The following CFAP61 variants were observed in gnomAD, a reference collection of about 807,000 sequenced individuals.
The protein encoded by CFAP61 is cilia and flagella associated protein 61.
A neutral mutation model predicts 135.6 loss-of-function variants in CFAP61; 107 were observed. The ratio of observed to expected loss-of-function variants is 0.79; its 90% CI spans 0.67 to 0.93. The LOEUF (loss-of-function observed/expected upper bound fraction) is 0.93. Ranked by LOEUF, CFAP61 falls within the 40% of genes least tolerant of loss-of-function variation. The probability of loss-of-function intolerance (pLI) is 0.00; values close to 1 mark genes in which losing one functional copy is unlikely to be tolerated. For missense variants in CFAP61, 1,507 were observed against 1,556.2 expected (o/e 0.97, Z 0.53); for synonymous variants, 575 against 578.5 (o/e 0.99, Z 0.09).
chr20:20,175,696 T>A (rs1601182876), intron 13 of CFAP61, among the ~76,000 whole-genome samples: 1 of 6,914 alleles, frequency 1.4e-4, no homozygotes, highest in South Asian at 3.3e-3. Context: ...CTGACTAAAT[T>A]TTTTTTTTTT....
At position 20,098,744 on chromosome 20, in the gene CFAP61, C is replaced by G. The variant is rs369098678; in HGVS notation, c.789C>G (p.His263Gln). 6.2e-7 allele frequency: 1 copy of G among 1,613,836 alleles called. No individual in the cohort carries two copies. The highest frequency in any genetic ancestry group is 8.5e-7 in the Non-Finnish European group (1 of 1,179,982). ...AGTGCTTTGACTTGGGCCCTTTCCA[C>G]GGACTCTGTTTCCCACATCCTGATG... ...LHECFDLGPF[H>Q]GLCFPHPDDV... is the part of the protein sequence containing the mutation. Residue 263 changes from histidine to glutamine, a missense_variant, in exon 8 of 27, where the codon CAC (histidine) becomes CAG (glutamine). His to Gln is a conservative substitution (Grantham distance 24, BLOSUM62 0). Transcript: ENST00000245957.
chr20:20,351,054 G>C (rs796355960), intron 26 of CFAP61, among the ~76,000 whole-genome samples: 4 of 152,270 alleles, frequency 2.6e-5, no homozygotes, highest in African/African-American at 9.6e-5. Context: ...AACAAGACAA[G>C]GATGCCTACT....
Position 20,164,362 on chromosome 20 carries a change from A to G in CFAP61, c.1205+134A>G, listed in dbSNP as rs1239060401. ...CTAATCTCCTGGGGAATTTTTTAAAACACAAATTCCTAAGCCCCATCCAGA... is the reference window on the plus strand; with the variant it reads ...CTAATCTCCTGGGGAATTTTTTAAAGCACAAATTCCTAAGCCCCATCCAGA... On this transcript the variant is annotated intron_variant, in intron 11 of 26. Transcript: ENST00000245957. 8 of 860,954 alleles carry G rather than the reference A, an allele frequency of 9.3e-6. No individual in the cohort carries two copies. In the South Asian group the frequency reaches 1.5e-4, roughly 16 times the overall value. The allele number at this position is 860,954 out of a possible 1,614,324, so 53.3% of individuals were successfully genotyped here.
At chr20:20,100,379 G>T (rs1328028191) in intron 8 of CFAP61, among the ~76,000 whole-genome samples, 1 of 151,952 alleles carries the variant, frequency 6.6e-6, no homozygotes, top group African/African-American at 2.4e-5. Flanking sequence ...CACCATGTTG[G>T]CCAGGCTGGT....
In CFAP61 at chr20:20,322,010, C is replaced by T. The variant is rs571269575; in HGVS notation, c.3423-19821C>T. Among the ~76,000 whole-genome samples the T allele has an allele frequency of 1.2e-4, 18 of 152,248 alleles. 1 individual carries two copies. In the South Asian group the frequency reaches 3.7e-3, roughly 32 times the overall value. ...CTGACATATAAGAAGTCTAACTATCCTCAGACCACCATGCTGTGAGGAAGC... is the reference window on the plus strand; with the variant it reads ...CTGACATATAAGAAGTCTAACTATCTTCAGACCACCATGCTGTGAGGAAGC... On this transcript the variant is annotated intron_variant, in intron 25 of 26. Transcript: ENST00000245957.
At chr20:20,246,030 C>A in intron 18 of CFAP61, 87 bp from the exon 19 acceptor site, 2 of 795,166 alleles carry the variant, frequency 2.5e-6, no homozygotes, top group Non-Finnish European at 2.1e-6. Flanking sequence ...TTGGATGACA[C>A]GTGATATAAA....
chr20:20,296,438 CT>C (rs1184675389), intron 24 of CFAP61, among the ~76,000 whole-genome samples: 1 of 139,330 alleles, frequency 7.2e-6, no homozygotes, highest in Non-Finnish European at 1.6e-5. Context: ...TCCCTCCCTC[CT>C]TCCTTCCCTC....
chr20:20,358,011 AGT>A lies in CFAP61; in HGVS notation c.3514-2195_3514-2194del, dbSNP rs1196674038. ...TCATAGTGTGAGGGGAGGTGGTCAC[AGT>A]GTGAGGGGAGGTGGTCACACTGAGG... On this transcript the variant is annotated intron_variant, in intron 26 of 26. Coordinates refer to ENST00000245957, the MANE Select transcript of CFAP61 (RefSeq NM_015585.4). Among the ~76,000 whole-genome samples, 449 of 131,780 alleles carry A rather than the reference AGT, an allele frequency of 3.4e-3. 10 individuals are homozygous for A. The highest frequency in any genetic ancestry group is 5.2e-3 in the Middle Eastern group (1 of 194). The allele number at this position is 131,780 out of a possible 152,430, so 86.5% of individuals were successfully genotyped here. A position where few individuals can be genotyped will look rare whatever the true frequency, so the allele number is the denominator to read the frequency against.
intron 13 of CFAP61, among the ~76,000 whole-genome samples, chr20:20,180,708 A>C (rs1400414723): frequency 1.3e-5 from 2 of 152,200 alleles, no homozygotes; most frequent in Admixed American, 6.5e-5. Context: ...ATACACACAC[A>C]TGTTCATTGC....
At chr20:20,077,344 T>C (rs1454067636) in intron 6 of CFAP61, among the ~76,000 whole-genome samples, 1 of 152,240 alleles carries the variant, frequency 6.6e-6, no homozygotes, top group East Asian at 1.9e-4. Context: ...CTGATTACAC[T>C]TTTGTGATAT....
chr20:20,306,284 C>T (rs1272358984), intron 25 of CFAP61, among the ~76,000 whole-genome samples: 2 of 152,198 alleles, frequency 1.3e-5, no homozygotes, highest in Non-Finnish European at 2.9e-5. Context: ...GAGAAATGAA[C>T]ACATGGAGTT....
At chr20:20,121,298 G>A (rs2049609023) in intron 8 of CFAP61, among the ~76,000 whole-genome samples, 1 of 151,034 alleles carries the variant, frequency 6.6e-6, no homozygotes, top group South Asian at 2.1e-4. Flanking sequence ...TAGTAGAGAT[G>A]GGGTTTTGCC....
chr20:20,173,433 C>T (rs1331712586), intron 13 of CFAP61, among the ~76,000 whole-genome samples: 1 of 152,182 alleles, frequency 6.6e-6, no homozygotes, highest in African/African-American at 2.4e-5. Flanking sequence ...ACACCCTTGC[C>T]AGCATTTGGT....
chr20:20,116,584 C>T (rs1176742632), intron 8 of CFAP61, among the ~76,000 whole-genome samples: 1 of 152,058 alleles, frequency 6.6e-6, no homozygotes, highest in Non-Finnish European at 1.5e-5. Context: ...TTAAGATTTT[C>T]ATCCATTTTT....
intron 8 of CFAP61, among the ~76,000 whole-genome samples, chr20:20,121,063 C>T (rs1242710847): frequency 2.1e-5 from 3 of 144,282 alleles, no homozygotes; most frequent in Admixed American, 2.1e-4. Flanking sequence ...TTGGGTCTTG[C>T]TTCTTTATCT....
chr20:20,210,900 G>T (rs2146915121), intron 17 of CFAP61, among the ~76,000 whole-genome samples: 1 of 152,246 alleles, frequency 6.6e-6, no homozygotes, highest in East Asian at 1.9e-4. Context: ...TGAAATAGGA[G>T]GATCACTTGA....
intron 26 of CFAP61, among the ~76,000 whole-genome samples, chr20:20,346,074 T>G (rs2058623449): frequency 7.5e-6 from 1 of 133,124 alleles, no homozygotes; most frequent in African/African-American, 2.7e-5. Flanking sequence ...GCTAATTTTT[T>G]GTATTTTTAG....
intron 6 of CFAP61, among the ~76,000 whole-genome samples, chr20:20,086,622 A>G (rs982787858): frequency 2.6e-5 from 4 of 152,082 alleles, no homozygotes; most frequent in African/African-American, 9.7e-5. Context: ...CCTTGGGCAT[A>G]AAAATTCTGC....
At chr20:20,291,048 G>T (rs1435989618) in intron 24 of CFAP61, among the ~76,000 whole-genome samples, 1 of 152,062 alleles carries the variant, frequency 6.6e-6, no homozygotes, top group Non-Finnish European at 1.5e-5. Context: ...TTGAGCAGAG[G>T]TACAAAGATT....
Sources: allele counts gnomAD v4.1 joint callset (sites outside exome capture counted in the v4.1 genomes callset), GRCh38; gene constraint gnomAD v4.1.1; transcripts MANE v1.5; gene names NCBI Gene and HGNC (gene_info 2026-07-23, HGNC 2026-07-21).